The following ACTN4 variants were observed in gnomAD, a reference collection of about 807,000 sequenced individuals.
ACTN4 encodes alpha-actinin-4.
A neutral mutation model predicts 114.2 loss-of-function variants in ACTN4; 18 were observed. The ratio of observed to expected loss-of-function variants is 0.16; its 90% CI spans 0.11 to 0.23. ACTN4 has a LOEUF of 0.23. Ranked by LOEUF, ACTN4 falls within the 10% of genes least tolerant of loss-of-function variation. The pLI, the probability that ACTN4 is intolerant of heterozygous loss-of-function variation, is 1.00. For synonymous variants in ACTN4, 515 were observed against 506.3 expected, an observed-to-expected ratio of 1.02 and a Z score of -0.23; for missense variants, 722 against 1,262.9, an observed-to-expected ratio of 0.57 and a Z score of 6.49.
At position 38,725,873 on chromosome 19, in the gene ACTN4, C is replaced by T. The variant is rs574354607; in HGVS notation, c.2160C>T (p.Phe720=). 37 of 1,614,120 alleles carry T rather than the reference C, an allele frequency of 2.3e-5. No homozygotes were observed. The highest frequency in any genetic ancestry group is 4.5e-5 in the East Asian group (2 of 44,886). The change falls in exon 17 of 21, where the codon TTC becomes TTT. Residue 720 remains phenylalanine, a synonymous_variant. Transcript: ENST00000252699. The part of the protein sequence containing the change: ...QHQLIQEALI[F]DNKHTNYTME... ...AGCTCATCCAGGAGGCCCTCATCTT[C>T]GACAACAAGCACACCAACTATACCA...
rs1343056778 is a variant in ACTN4 at position 38,723,627 on chromosome 19, T to C, written c.1456T>C (p.Tyr486His). ...CCCGGCCCGCAGCGAGCTGGATTAC[T>C]ACGACTCCCACAATGTCAACACCCG... ...IAQELNELDY[Y>H]DSHNVNTRCQ... The change falls in exon 13 of 21, where the codon TAC becomes CAC. Residue 486 changes from tyrosine to histidine, a missense_variant. This residue lies in a region of ACTN4 where 523 missense variants were observed against 875.9 expected (regional missense o/e 0.60). Transcript: ENST00000252699. 6.2e-7 allele frequency: 1 copy of C among 1,612,634 alleles called. No individual in the cohort carries two copies.
rs371829169 is a variant in ACTN4, at chr19:38,728,410, GCTCCTCCTCCTCCTCCTC to G, written c.2418+407_2418+424del. On this transcript the variant is annotated intron_variant, in intron 19 of 20. Coordinates refer to ENST00000252699, the MANE Select transcript of ACTN4 (RefSeq NM_004924.6). The stretch of plus-strand genomic sequence containing the variant: ...TGCAGCTCTGTCTCCCCAGCCACCC[GCTCCTCCTCCTCCTCCTC>G]CTCCTCCTCCTCCTCCTCCTCCCCC... 51 of 772,062 alleles carry G rather than the reference GCTCCTCCTCCTCCTCCTC, an allele frequency of 6.6e-5. 1 individual carries two copies. The African/African-American group carries it at 7.3e-4, about 11-fold the overall frequency. The allele number at this position is 772,062 out of a possible 1,614,324, so 47.8% of individuals were successfully genotyped here. A position where few individuals can be genotyped will look rare whatever the true frequency, so the allele number is the denominator to read the frequency against.
In ACTN4 at chr19:38,706,114, G is replaced by A; in HGVS notation, c.555G>A (p.Val185=). ...RKTAPYKNVN[V]QNFHISWKDG... Reference sequence around the variant, plus strand: ...CAGCCCCGTATAAGAACGTCAATGTGCAGAACTTCCACATCAGGTAAGCGC... The same window carrying A: ...CAGCCCCGTATAAGAACGTCAATGTACAGAACTTCCACATCAGGTAAGCGC... The change falls in exon 5 of 21, where the codon GTG becomes GTA. Residue 185 remains valine (V), a synonymous_variant. Coordinates refer to ENST00000252699, the MANE Select transcript of ACTN4 (RefSeq NM_004924.6). 1 of 1,614,120 alleles carries A rather than the reference G, an allele frequency of 6.2e-7. No homozygotes were observed. Among genetic ancestry groups the A allele is most frequent in the African/African-American group, 1.3e-5 (1 of 75,050 alleles).
chr19:38,717,295 C>G lies in ACTN4; in HGVS notation c.1122C>G (p.Pro374=). The G allele has an allele frequency of 6.2e-7, 1 of 1,614,030 alleles. No homozygotes were observed. Among genetic ancestry groups the G allele is most frequent in the Non-Finnish European group, 8.5e-7 (1 of 1,180,000 alleles). ...TCAGCAACCGGCCCGCCTTCATGCCCTCCGAGGGCAAGATGGTCTCGGTGA... is the reference window on the plus strand; with the variant it reads ...TCAGCAACCGGCCCGCCTTCATGCCGTCCGAGGGCAAGATGGTCTCGGTGA... ...LRLSNRPAFM[P]SEGKMVSDIN... The change falls in exon 10 of 21, where the codon CCC becomes CCG. Residue 374 remains proline (P), a synonymous_variant. Coordinates refer to ENST00000252699, the MANE Select transcript of ACTN4 (RefSeq NM_004924.6). The surrounding 1 kb of genome is among the most constrained non-coding windows in gnomAD (Gnocchi z 4.0).
chr19:38,684,191 T>C (rs958522465), intron 1 of ACTN4, among the ~76,000 whole-genome samples: 3 of 152,164 alleles, frequency 2.0e-5, no homozygotes, highest in African/African-American at 7.2e-5. Flanking sequence ...CACTAAGTGC[T>C]CAATAAATGT....
rs1555842319 is a variant in ACTN4 at position 38,730,176 on chromosome 19, G to GT, written c.*744_*745insT. ...AAACAAAAAAACTATAAAAAAGAAA[G>GT]AATTAAAAACTTTCAGAGAATTACT... is the stretch of plus-strand genomic sequence containing the variant. On this transcript the variant is annotated 3_prime_UTR_variant, in exon 21 of 21. Coordinates refer to ENST00000252699, the MANE Select transcript of ACTN4 (RefSeq NM_004924.6). 1.5e-5 allele frequency: 2 copies of GT among 131,924 alleles called. No homozygotes were observed. The highest frequency in any genetic ancestry group is 3.3e-5 in the Non-Finnish European group (2 of 60,986). 8.2% of individuals were successfully genotyped at this position (131,924 alleles called of 1,614,324 possible).
intron 1 of ACTN4, among the ~76,000 whole-genome samples, chr19:38,681,620 G>A (rs1174735362): frequency 1.3e-5 from 2 of 152,160 alleles, no homozygotes; most frequent in Non-Finnish European, 2.9e-5. Flanking sequence ...CCCAGATCAG[G>A]TGTCACCTGA....
At chr19:38,721,172 G>A (rs2145079455) in intron 11 of ACTN4, among the ~76,000 whole-genome samples, 1 of 152,306 alleles carries the variant, frequency 6.6e-6, no homozygotes, top group East Asian at 1.9e-4. Flanking sequence ...GACCCCGGGT[G>A]CTTCTCCGGA....
chr19:38,692,172 G>A (rs568073153), intron 1 of ACTN4, among the ~76,000 whole-genome samples: 1 of 152,298 alleles, frequency 6.6e-6, no homozygotes, highest in Admixed American at 6.5e-5. Context: ...GACATAAGAC[G>A]CATTCCATAT....
At chr19:38,691,245 GTC>G in intron 1 of ACTN4, among the ~76,000 whole-genome samples, 1 of 151,920 alleles carries the variant, frequency 6.6e-6, no homozygotes, top group South Asian at 2.1e-4. Flanking sequence ...GAGAAACTCC[GTC>G]TCTACTAAAA....
intron 1 of ACTN4, among the ~76,000 whole-genome samples, chr19:38,663,527 C>T (rs1403134079): frequency 6.6e-6 from 1 of 152,162 alleles, no homozygotes; most frequent in Non-Finnish European, 1.5e-5. Flanking sequence ...TGAATCAGGG[C>T]AGGTGGGGTC....
rs1400515936 is a variant in ACTN4, at chr19:38,721,583, T to C, written c.1337T>C (p.Leu446Pro). The C allele has an allele frequency of 6.2e-7, 1 of 1,613,908 alleles. No individual in the cohort carries two copies. Among genetic ancestry groups the C allele is most frequent in the Non-Finnish European group, 8.5e-7 (1 of 1,180,038 alleles). Residue 446 changes from leucine (L) to proline (P), a missense_variant, in exon 12 of 21, where the codon CTA becomes CCA. Physicochemically the swap from Leu to Pro is moderately conservative, Grantham distance 98. This residue lies in a region of ACTN4 where 523 missense variants were observed against 875.9 expected (regional missense o/e 0.60). Transcript: ENST00000252699. ...LKHRDYETAT[L>P]SDIKALIRKH... ...CACCGGGACTACGAGACGGCCACAC[T>C]ATCGGACATCAAAGCCCTCATTCGC...
Position 38,714,460 on chromosome 19 carries a change from C to G in ACTN4, c.820-9C>G. 1 of 1,613,430 alleles carries G rather than the reference C, an allele frequency of 6.2e-7. No homozygotes were observed. On this transcript the variant is annotated splice_polypyrimidine_tract_variant and intron_variant, in intron 8 of 20. Coordinates refer to ENST00000252699, the MANE Select transcript of ACTN4 (RefSeq NM_004924.6). ...CCCCAGGCAGCCCTGACTGTGTGCT[C>G]CCCTCCAGGCTGAAACTGCCGCCAA...
rs1385713922 is a variant in ACTN4 at position 38,717,718 on chromosome 19, G to A, written c.1144-209G>A. ...CATCCATTCATTCATGCACTCACCC[G>A]TTCACGCATTCATTTTGTTAATCCA... On this transcript the variant is annotated intron_variant, in intron 10 of 20. Coordinates refer to ENST00000252699, the MANE Select transcript of ACTN4 (RefSeq NM_004924.6). The surrounding 1 kb of genome is among the most constrained non-coding windows in gnomAD (Gnocchi z 4.0). Among the ~76,000 whole-genome samples, 1 of 152,196 alleles carries A rather than the reference G, an allele frequency of 6.6e-6. No homozygotes were observed. The highest frequency in any genetic ancestry group is 1.5e-5 in the Non-Finnish European group (1 of 68,026).
chr19:38,719,537 G>T (rs558761851), intron 11 of ACTN4, among the ~76,000 whole-genome samples: 2 of 152,354 alleles, frequency 1.3e-5, no homozygotes, highest in Admixed American at 6.5e-5. Context: ...GGGAGGAAGG[G>T]CCTGGCCAGG....
At chr19:38,704,239 C>G (rs557824901) in intron 3 of ACTN4, among the ~76,000 whole-genome samples, 5 of 152,344 alleles carry the variant, frequency 3.3e-5, no homozygotes, top group African/African-American at 1.2e-4. Flanking sequence ...TGAGCCCAGG[C>G]AGTCAAGGCT....
chr19:38,660,118 T>C (rs1258531952), intron 1 of ACTN4, among the ~76,000 whole-genome samples: 1 of 152,050 alleles, frequency 6.6e-6, no homozygotes. Flanking sequence ...GACAGGGTTT[T>C]GCCATGTTGG....
chr19:38,704,926 G>A lies in ACTN4; in HGVS notation c.398-8G>A. On this transcript the variant is annotated splice_polypyrimidine_tract_variant and splice_region_variant and intron_variant, in intron 3 of 20. Coordinates refer to ENST00000252699, the MANE Select transcript of ACTN4 (RefSeq NM_004924.6). ...CCTTCTGCCCTCTGCCCCCTTCCCT[G>A]TGTGCAGAGATTGTGGACGGCAACG... The A allele has an allele frequency of 6.2e-7, 1 of 1,614,022 alleles. No homozygotes were observed. Among genetic ancestry groups the A allele is most frequent in the East Asian group, 2.2e-5 (1 of 44,892 alleles).
At chr19:38,664,146 G>A (rs972542305) in intron 1 of ACTN4, among the ~76,000 whole-genome samples, 3 of 152,212 alleles carry the variant, frequency 2.0e-5, no homozygotes, top group African/African-American at 7.2e-5. Flanking sequence ...CAACGCGGGT[G>A]GCCTAGGAGT....
Sources: gnomAD v4.1 joint callset for allele counts (sites outside exome capture counted in the v4.1 genomes callset) on GRCh38, gnomAD v4.1.1 for gene constraint, gnomAD v4.1.1 regional missense constraint, Gnocchi (gnomAD v3.1) non-coding constraint, MANE v1.5 for transcripts, NCBI Gene and HGNC (gene_info 2026-07-23, HGNC 2026-07-21) for gene names.